Variants in TRIM31 observed in about 807,000 individuals in gnomAD.
TRIM31 encodes E3 ubiquitin-protein ligase TRIM31.
In TRIM31, 31 loss-of-function variants were observed where a neutral mutation model predicts 40.6. The ratio of observed to expected loss-of-function variants is 0.76; its 90% CI spans 0.57 to 1.03. The LOEUF is 1.03. Ranked by LOEUF, TRIM31 falls within the 50% of genes least tolerant of loss-of-function variation. The pLI, the probability that TRIM31 is intolerant of heterozygous loss-of-function variation, is 0.00. For missense variants in TRIM31, 455 were observed against 497.5 expected (o/e 0.91, Z 0.81); for synonymous variants, 164 against 193.9 (o/e 0.85, Z 1.28).
At chr6:30,110,370 C>T in intron 4 of TRIM31, 78 bp downstream of exon 4, 1 of 1,392,928 alleles carries the variant, frequency 7.2e-7, no homozygotes, top group Non-Finnish European at 1.0e-6. Flanking sequence ...CTCAGGTATT[C>T]TGCCAGTGGT....
chr6:30,112,697 G>A lies in TRIM31; in HGVS notation c.109C>T (p.Leu37Phe). ...VTIDCGHNFC[L>F]KCITQIGETS... ...TCCCCAATCTGAGTGATGCATTTGAGGCAGAAATTGTGCCCACAGTCGATG... is the reference window on the plus strand; with the variant it reads ...TCCCCAATCTGAGTGATGCATTTGAAGCAGAAATTGTGCCCACAGTCGATG... The change falls in exon 2 of 9, where the codon CTC (leucine) becomes TTC (phenylalanine). Residue 37 changes from leucine (L) to phenylalanine (F), a missense_variant. Coordinates refer to ENST00000376734, the MANE Select transcript of TRIM31 (RefSeq NM_007028.5). 6.2e-7 allele frequency: 1 copy of A among 1,613,114 alleles called. No homozygotes were observed. The highest frequency in any genetic ancestry group is 8.5e-7 in the Non-Finnish European group (1 of 1,180,020).
chr6:30,108,941 G>T, intron 5 of TRIM31, 85 bp downstream of exon 5: 1 of 1,422,632 alleles, frequency 7.0e-7, no homozygotes, highest in Non-Finnish European at 9.9e-7. Context: ...TCTGAGAGAG[G>T]AATGTTGACT....
intron 3 of TRIM31, 143 bp downstream of exon 3, chr6:30,111,505 C>T (rs1259573503): frequency 1.3e-6 from 1 of 771,622 alleles, no homozygotes; most frequent in African/African-American, 1.7e-5. Context: ...GGTGATGCCG[C>T]CTGGCCGGTC....
intron 5 of TRIM31, among the ~76,000 whole-genome samples, chr6:30,108,582 A>G (rs3998632): frequency 0.41 from 58,255 of 141,868 alleles, 12,816 homozygotes; most frequent in Middle Eastern, 0.51. Context: ...AAAAAAAAAA[A>G]AAGAAGACCT....
chr6:30,108,341 C>G (rs1184690835), intron 5 of TRIM31, 173 bp from the exon 6 acceptor site: 1 of 582,404 alleles, frequency 1.7e-6, no homozygotes, highest in Non-Finnish European at 3.1e-6. Context: ...GGTGGATCAC[C>G]TGAGGTCAGG....
At chr6:30,110,703 G>A (rs915044812) in intron 3 of TRIM31, 25 bp from the exon 4 acceptor site, 5 of 1,607,826 alleles carry the variant, frequency 3.1e-6, no homozygotes, top group Non-Finnish European at 8.5e-7. Flanking sequence ...CAGGCAGAGG[G>A]TGAGAGGATG....
chr6:30,111,569 G>A (rs1769324313), intron 3 of TRIM31, 79 bp downstream of exon 3: 2 of 1,395,792 alleles, frequency 1.4e-6, no homozygotes, highest in Non-Finnish European at 2.0e-6. Flanking sequence ...TTTCTGAGGG[G>A]TCAGTGTAAT....
At chr6:30,109,127 G>T in intron 4 of TRIM31, 79 bp from the exon 5 acceptor site, 1 of 1,466,944 alleles carries the variant, frequency 6.8e-7, no homozygotes, top group Non-Finnish European at 9.5e-7. Context: ...AGAGCCTGCT[G>T]GGTGTGGGGC....
chr6:30,111,977 A>G (rs996449911), intron 2 of TRIM31: 19 of 582,410 alleles, frequency 3.3e-5, no homozygotes, highest in Non-Finnish European at 5.5e-5. Context: ...AGGACTATGG[A>G]TGGTGCTTTG....
chr6:30,108,994 A>G lies in TRIM31; in HGVS notation c.767+32T>C, dbSNP rs1158144999. 2.5e-6 allele frequency: 4 copies of G among 1,611,172 alleles called. No homozygotes were observed. In the Admixed American group the frequency reaches 6.7e-5, roughly 27 times the overall value. ...GAGAATTGTGTGTGGATGAATCAGT[A>G]GGCAAAATACATTTGGGGTGGCCCA... On this transcript the variant is annotated intron_variant, in intron 5 of 8. Transcript: ENST00000376734.
At chr6:30,106,486 G>T (rs560628182) in intron 6 of TRIM31, among the ~76,000 whole-genome samples, 3 of 152,250 alleles carry the variant, frequency 2.0e-5, no homozygotes, top group Admixed American at 2.0e-4. Flanking sequence ...GTGGAGATTG[G>T]ACCTGTGGTA....
intron 2 of TRIM31, chr6:30,112,108 T>C: frequency 1.8e-6 from 1 of 559,386 alleles, no homozygotes; most frequent in Non-Finnish European, 3.1e-6. Flanking sequence ...AAGTGATTCC[T>C]TGCAGGTTGT....
chr6:30,111,860 T>C (rs1769366421), intron 2 of TRIM31, 117 bp from the exon 3 acceptor site: 1 of 921,194 alleles, frequency 1.1e-6, no homozygotes, highest in African/African-American at 1.6e-5. Flanking sequence ...GTGTAATTAT[T>C]AAGGACTCGC....
chr6:30,107,828 C>T (rs1456461410), intron 6 of TRIM31: 2 of 494,580 alleles, frequency 4.0e-6, no homozygotes, highest in East Asian at 3.7e-5. Context: ...CTATGGCTCT[C>T]GCAGGAGTCA....
intron 6 of TRIM31, among the ~76,000 whole-genome samples, chr6:30,106,679 A>G (rs567730140): frequency 3.5e-4 from 54 of 152,224 alleles, no homozygotes; most frequent in African/African-American, 1.3e-3. Flanking sequence ...AGAGGGAAAG[A>G]AAAGGGGGAT....
Position 30,112,723 on chromosome 6 carries a change from G to C in TRIM31, c.83C>G (p.Thr28Ser), listed in dbSNP as rs760639697. ...GCAGAAATTGTGCCCACAGTCGATG[G>C]TGACAGGTTTCTGCAGAATGTCCAG... Reference protein sequence around the residue: ...ICLDILQKPVTIDCGHNFCLK... With the variant: ...ICLDILQKPVSIDCGHNFCLK... The change falls in exon 2 of 9, where the codon ACC becomes AGC. Residue 28 changes from threonine (T) to serine (S), a missense_variant. By Grantham distance (58) the Thr-to-Ser change is moderately conservative (BLOSUM62 1). Coordinates refer to ENST00000376734, the MANE Select transcript of TRIM31 (RefSeq NM_007028.5). 1 of 1,613,104 alleles carries C rather than the reference G, an allele frequency of 6.2e-7. No individual in the cohort carries two copies. The highest frequency in any genetic ancestry group is 1.3e-5 in the African/African-American group (1 of 75,056).
chr6:30,112,904 G>A lies in TRIM31; in HGVS notation c.-83-16C>T. ...GATACTGTTTCTAGGAAGGGAGAAG[G>A]GAGTCAGAGAAAGTGGAGGTCAGAG... On this transcript the variant is annotated splice_polypyrimidine_tract_variant and intron_variant, in intron 1 of 8. Coordinates refer to ENST00000376734, the MANE Select transcript of TRIM31 (RefSeq NM_007028.5). 1 of 1,252,166 alleles carries A rather than the reference G, an allele frequency of 8.0e-7. No homozygotes were observed. The highest frequency in any genetic ancestry group is 1.7e-5 in the South Asian group (1 of 58,962). The allele number at this position is 1,252,166 out of a possible 1,614,324, so 77.6% of individuals were successfully genotyped here. A position where few individuals can be genotyped will look rare whatever the true frequency, so the allele number is the denominator to read the frequency against.
intron 6 of TRIM31, among the ~76,000 whole-genome samples, chr6:30,105,991 G>A (rs1179024273): frequency 6.6e-6 from 1 of 152,222 alleles, no homozygotes; most frequent in Non-Finnish European, 1.5e-5. Context: ...CTCCTGCAAG[G>A]GGAGGCCGAG....
At chr6:30,111,541 C>T in intron 3 of TRIM31, 107 bp downstream of exon 3, 2 of 1,149,016 alleles carry the variant, frequency 1.7e-6, no homozygotes, top group Non-Finnish European at 2.5e-6. Context: ...GAGGAGAGGA[C>T]ATGGCTCACT....
Sources: gnomAD v4.1 joint callset for allele counts (sites outside exome capture counted in the v4.1 genomes callset) on GRCh38, gnomAD v4.1.1 for gene constraint, MANE v1.5 for transcripts, NCBI Gene and HGNC (gene_info 2026-07-23, HGNC 2026-07-21) for gene names.